RAPGEFL1: variants seen among roughly 807,000 people sequenced by gnomAD.
RAPGEFL1 encodes rap guanine nucleotide exchange factor-like 1.
A neutral mutation model predicts 64.4 loss-of-function variants in RAPGEFL1; 31 were observed. That is an observed-to-expected ratio of 0.48 (90% CI 0.36 to 0.65). The LOEUF is 0.65. Ranked by LOEUF, RAPGEFL1 falls within the 30% of genes least tolerant of loss-of-function variation. RAPGEFL1 has a pLI of 0.00. For missense variants in RAPGEFL1, 682 were observed against 677.4 expected, an observed-to-expected ratio of 1.01 and a Z score of -0.08; for synonymous variants, 331 against 274.1, an observed-to-expected ratio of 1.21 and a Z score of -2.05.
intron 14 of RAPGEFL1, 54 bp from the exon 15 acceptor site, chr17:40,193,610 T>C (rs1285394994): frequency 6.2e-7 from 1 of 1,613,362 alleles, no homozygotes; most frequent in Non-Finnish European, 8.5e-7. Flanking sequence ...GGTGTGTGTG[T>C]AGAGGAAGAA....
intron 2 of RAPGEFL1, among the ~76,000 whole-genome samples, chr17:40,183,832 T>TG (rs1989971447): frequency 7.6e-6 from 1 of 131,510 alleles, no homozygotes; most frequent in Non-Finnish European, 1.6e-5. Context: ...TTTTTTTTTT[T>TG]GCCTTTTTTT....
At chr17:40,181,238 CCT>C in intron 1 of RAPGEFL1, 1 of 454,510 alleles carries the variant, frequency 2.2e-6, no homozygotes, top group South Asian at 1.6e-5. Context: ...CTGATGCTAA[CCT>C]CTGTGTTTGG....
At chr17:40,179,066 CTT>C (rs113460127) in intron 1 of RAPGEFL1, among the ~76,000 whole-genome samples, 31 of 142,708 alleles carry the variant, frequency 2.2e-4, no homozygotes, top group African/African-American at 7.4e-4. Context: ...CAGCACCCGG[CTT>C]TTTTTTTTTT....
chr17:40,190,464 G>C lies in RAPGEFL1; in HGVS notation c.1145G>C (p.Cys382Ser). 1 of 1,614,194 alleles carries C rather than the reference G, an allele frequency of 6.2e-7. No homozygotes were observed. The highest frequency in any genetic ancestry group is 8.5e-7 in the Non-Finnish European group (1 of 1,180,040). ...GTCCTTCTCCAGCCCACTGAGGACT[G>C]TGTTTTCACCGCACTGGGCATCAAC... is the stretch of plus-strand genomic sequence containing the variant. ...EKVLLQPTED[C>S]VFTALGINSH... Residue 382 changes from cysteine (C) to serine (S), a missense_variant, in exon 7 of 15, where the codon TGT (cysteine) becomes TCT (serine). Transcript: ENST00000620260.
rs1249098441 is a variant in RAPGEFL1 at position 40,177,492 on chromosome 17, G to C, written c.-370G>C. On this transcript the variant is annotated 5_prime_UTR_variant, in exon 1 of 15. Coordinates refer to ENST00000620260, the MANE Select transcript of RAPGEFL1 (RefSeq NM_016339.6). ...CCACCTTCCCCCTCTTCACGGCCAG[G>C]AGCGCAGCCGCCGCCGCCGCCGCCG... 1 of 611,764 alleles carries C rather than the reference G, an allele frequency of 1.6e-6. No homozygotes were observed. The highest frequency in any genetic ancestry group is 2.9e-6 in the Non-Finnish European group (1 of 345,176). 37.9% of individuals were successfully genotyped at this position (611,764 alleles called of 1,614,324 possible). A position where few individuals can be genotyped will look rare whatever the true frequency, so the allele number is the denominator to read the frequency against.
Position 40,178,207 on chromosome 17 carries a change from G to A in RAPGEFL1, c.346G>A (p.Gly116Arg). Reference protein sequence around the residue: ...EEVPGPGPLGGGGPLRSPSSY... With the variant: ...EEVPGPGPLGRGGPLRSPSSY... ...GGTGCCGGGGCCCGGGCCTCTCGGG[G>A]GAGGGGGGCCCCTGCGCTCCCCTTC... The change falls in exon 1 of 15, where the codon GGA becomes AGA. Residue 116 changes from glycine (G) to arginine (R), a missense_variant. Gly to Arg is a moderately radical substitution (Grantham distance 125, BLOSUM62 -2). Transcript: ENST00000620260. 1.8e-6 allele frequency: 1 copy of A among 567,538 alleles called. No homozygotes were observed. The highest frequency in any genetic ancestry group is 3.2e-6 in the Non-Finnish European group (1 of 316,200). The allele number at this position is 567,538 out of a possible 1,614,324, so 35.2% of individuals were successfully genotyped here.
At chr17:40,192,098 C>G (rs1439146778) in intron 10 of RAPGEFL1, 115 bp from the exon 11 acceptor site, 4 of 938,080 alleles carry the variant, frequency 4.3e-6, no homozygotes, top group African/African-American at 1.6e-5. Context: ...CTTCCCAGCC[C>G]CCTACAAGCC....
chr17:40,184,403 GC>G, intron 3 of RAPGEFL1, 54 bp downstream of exon 3: 2 of 1,505,652 alleles, frequency 1.3e-6, no homozygotes, highest in Non-Finnish European at 1.8e-6. Context: ...CTGGAAGGGG[GC>G]CCCTGTGAAG....
At chr17:40,181,901 G>C (rs529121106) in intron 2 of RAPGEFL1, among the ~76,000 whole-genome samples, 1 of 152,172 alleles carries the variant, frequency 6.6e-6, no homozygotes, top group African/African-American at 2.4e-5. Context: ...GGCTAACATA[G>C]TGAAACACCA....
chr17:40,193,557 C>T, intron 14 of RAPGEFL1, 107 bp from the exon 15 acceptor site: 1 of 1,587,178 alleles, frequency 6.3e-7, no homozygotes, highest in Non-Finnish European at 8.6e-7. Flanking sequence ...CAGAGGCCTT[C>T]CTGCCCAACA....
chr17:40,193,014 C>A, intron 13 of RAPGEFL1, 24 bp downstream of exon 13: 1 of 1,600,226 alleles, frequency 6.2e-7, no homozygotes, highest in South Asian at 1.1e-5. Context: ...ACTGCAAACC[C>A]CTAGTCCCAC....
Position 40,191,032 on chromosome 17 carries a change from A to G in RAPGEFL1, c.1335+270A>G, listed in dbSNP as rs560374689. 1 of 598,652 alleles carries G rather than the reference A, an allele frequency of 1.7e-6. No homozygotes were observed. Among genetic ancestry groups the G allele is most frequent in the African/African-American group, 1.9e-5 (1 of 53,958 alleles). The allele number at this position is 598,652 out of a possible 1,614,324, so 37.1% of individuals were successfully genotyped here. On this transcript the variant is annotated intron_variant, in intron 8 of 14. Coordinates refer to ENST00000620260, the MANE Select transcript of RAPGEFL1 (RefSeq NM_016339.6). This position sits in a 1 kb window ranked among gnomAD's most constrained non-coding sequence, Gnocchi z 5.1. ...TATTCACTATTAAAGAAATAAAATAAGGCAGAGACAATAATGCCTAGCAGA... is the reference window on the plus strand; with the variant it reads ...TATTCACTATTAAAGAAATAAAATAGGGCAGAGACAATAATGCCTAGCAGA...
intron 2 of RAPGEFL1, among the ~76,000 whole-genome samples, chr17:40,181,954 G>A (rs1480915496): frequency 3.3e-5 from 5 of 151,928 alleles, no homozygotes; most frequent in African/African-American, 9.7e-5. Flanking sequence ...ATGGTGCCAC[G>A]CACCTGTAAT....
Position 40,192,243 on chromosome 17 carries a change from C to A in RAPGEFL1, c.1636C>A (p.Arg546Ser), listed in dbSNP as rs571429926. The change falls in exon 11 of 15, where the codon CGC (arginine) becomes AGC (serine). Residue 546 changes from arginine (R) to serine (S), a missense_variant. Coordinates refer to ENST00000620260, the MANE Select transcript of RAPGEFL1 (RefSeq NM_016339.6). ...KLPGKFKNLF[R>S]KFENLTDPCR... Reference sequence around the variant, plus strand: ...GCCAGGGAAATTCAAGAACTTGTTTCGCAAATTTGAGAACCTGACGGTGAG... The same window carrying A: ...GCCAGGGAAATTCAAGAACTTGTTTAGCAAATTTGAGAACCTGACGGTGAG... 1.2e-6 allele frequency: 2 copies of A among 1,614,066 alleles called. No homozygotes were observed. The highest frequency in any genetic ancestry group is 2.2e-5 in the South Asian group (2 of 91,074).
chr17:40,188,090 T>C (rs1457201683), intron 4 of RAPGEFL1, among the ~76,000 whole-genome samples: 3 of 151,730 alleles, frequency 2.0e-5, no homozygotes, highest in African/African-American at 7.3e-5. Context: ...AATTTTTGTG[T>C]TTTTAGTAGA....
Position 40,191,517 on chromosome 17 carries a change from T to TGGGGGGCCGGAGGCC in RAPGEFL1, c.1514+26_1514+40dup, listed in dbSNP as rs1555554471. 3.4e-5 allele frequency: 52 copies of TGGGGGGCCGGAGGCC among 1,550,598 alleles called. No homozygotes were observed. Among genetic ancestry groups the TGGGGGGCCGGAGGCC allele is most frequent in the African/African-American group, 5.5e-5 (4 of 72,430 alleles). On this transcript the variant is annotated intron_variant, in intron 9 of 14. Transcript: ENST00000620260. The surrounding 1 kb of genome is among the most constrained non-coding windows in gnomAD (Gnocchi z 5.1). Reference sequence around the variant, plus strand: ...CCTGTGAGTGCGGCCGTCGGCGGGATGGGGGGCCGGAGGCCGGAGGCCCGC... The same window carrying TGGGGGGCCGGAGGCC: ...CCTGTGAGTGCGGCCGTCGGCGGGATGGGGGGCCGGAGGCCGGGGGGCCGGAGGCCGGAGGCCCGC...
In RAPGEFL1 at chr17:40,189,326, C is replaced by T. The variant is rs750306946; in HGVS notation, c.1065C>T (p.Pro355=). The change falls in exon 6 of 15, where the codon CCC becomes CCT. Residue 355 remains proline, a synonymous_variant. Coordinates refer to ENST00000620260, the MANE Select transcript of RAPGEFL1 (RefSeq NM_016339.6). ...VTEKLQYSEE[P]AGREDSLILV... The stretch of plus-strand genomic sequence containing the variant: ...AGAAACTTCAATATTCAGAGGAGCC[C>T]GCGGGGCGTGAGGATTCCCTCATCC... 74 of 1,613,992 alleles carry T rather than the reference C, an allele frequency of 4.6e-5. 1 individual carries two copies. The highest frequency in any genetic ancestry group is 3.7e-4 in the South Asian group (34 of 91,084).
Position 40,190,777 on chromosome 17 carries a change from T to G in RAPGEFL1, c.1335+15T>G, listed in dbSNP as rs768739826. The G allele has an allele frequency of 6.2e-7, 1 of 1,613,854 alleles. No homozygotes were observed. Among genetic ancestry groups the G allele is most frequent in the Non-Finnish European group, 8.5e-7 (1 of 1,179,866 alleles). On this transcript the variant is annotated intron_variant, in intron 8 of 14. Coordinates refer to ENST00000620260, the MANE Select transcript of RAPGEFL1 (RefSeq NM_016339.6). ...GTGTGCATGAGGTGGGGACCGAGGC[T>G]GGTGCTATGCTGGGGGGCTGGAGGG...
At chr17:40,188,570 A>T (rs568519306) in intron 4 of RAPGEFL1, 92 of 408,214 alleles carry the variant, frequency 2.3e-4, no homozygotes, top group South Asian at 2.0e-3. Context: ...AAGAGATAAG[A>T]GGTGAACATA....
Sources: allele counts gnomAD v4.1 joint callset (sites outside exome capture counted in the v4.1 genomes callset), GRCh38; gene constraint gnomAD v4.1.1; non-coding constraint Gnocchi (gnomAD v3.1); transcripts MANE v1.5; gene names NCBI Gene and HGNC (gene_info 2026-07-23, HGNC 2026-07-21).